The following FDFT1 variants were observed in gnomAD, a reference collection of about 807,000 sequenced individuals.
FDFT1 encodes farnesyl-diphosphate farnesyltransferase 1.
In FDFT1, 68 loss-of-function variants were observed where a neutral mutation model predicts 46.8. The ratio of observed to expected loss-of-function variants is 1.45; its 90% CI spans 1.19 to 1.78. FDFT1 has a LOEUF of 1.78. Ranked by LOEUF, FDFT1 falls within the 40% of genes most tolerant of loss-of-function variation. FDFT1 has a pLI of 0.00. For missense variants in FDFT1, 928 were observed against 524.4 expected, an observed-to-expected ratio of 1.77 and a Z score of -7.52; for synonymous variants, 351 against 185.1, an observed-to-expected ratio of 1.90 and a Z score of -7.28.
At chr8:11,803,000 G>T in intron 1 of FDFT1, 69 bp downstream of exon 1, 4 of 1,535,668 alleles carry the variant, frequency 2.6e-6, no homozygotes, top group Non-Finnish European at 3.5e-6. Context: ...GGGCCTGAGC[G>T]GCCGGGCCCG....
intron 1 of FDFT1, among the ~76,000 whole-genome samples, chr8:11,804,663 G>C (rs533218014): frequency 7.4e-6 from 1 of 135,580 alleles, no homozygotes. Flanking sequence ...GAGTGCAGTG[G>C]TGGCGGGACC....
intron 3 of FDFT1, among the ~76,000 whole-genome samples, chr8:11,818,210 A>T (rs989884698): frequency 3.9e-5 from 6 of 152,190 alleles, no homozygotes; most frequent in Admixed American, 1.3e-4. Context: ...ATTTGATTTC[A>T]CTGTGGTCTG....
At chr8:11,803,096 G>A (rs1049949575) in intron 1 of FDFT1, 165 bp downstream of exon 1, 31 of 1,436,550 alleles carry the variant, frequency 2.2e-5, no homozygotes, top group East Asian at 5.1e-5. Context: ...TGTAGGGCCC[G>A]GGTGGACGCG....
rs141809527 is a variant in FDFT1 at position 11,818,886 on chromosome 8, T to G, written c.382-2864T>G. 4.7e-4 allele frequency among the ~76,000 whole-genome samples: 71 copies of G among 152,334 alleles called. 1 individual carries two copies. The East Asian group carries it at 0.011, about 24-fold the overall frequency. On this transcript the variant is annotated intron_variant, in intron 3 of 7. Coordinates refer to ENST00000220584, the MANE Select transcript of FDFT1 (RefSeq NM_004462.5). ...TTAATATTGTTATGTTTGAATTTGATCTGTCATTATGATGTTTGCTGGTTA... is the reference window on the plus strand; with the variant it reads ...TTAATATTGTTATGTTTGAATTTGAGCTGTCATTATGATGTTTGCTGGTTA...
chr8:11,815,009 C>A (rs1405104921), intron 3 of FDFT1, among the ~76,000 whole-genome samples: 1 of 152,166 alleles, frequency 6.6e-6, no homozygotes, highest in African/African-American at 2.4e-5. Flanking sequence ...GTAATGCTAT[C>A]CCTCCCTTGG....
Position 11,809,784 on chromosome 8 carries a change from C to T in FDFT1, c.315C>T (p.Tyr105=), listed in dbSNP as rs1243895483. ...PLLHNFHSFL[Y]QPDWRFMESK... is the part of the protein sequence containing the mutation. The stretch of plus-strand genomic sequence containing the variant: ...TACACAACTTTCACTCTTTCCTTTA[C>T]CAACCAGACTGGCGGTTCATGGAGA... The change falls in exon 3 of 8, where the codon TAC becomes TAT. Residue 105 remains tyrosine, a synonymous_variant. Coordinates refer to ENST00000220584, the MANE Select transcript of FDFT1 (RefSeq NM_004462.5). The T allele has an allele frequency of 1.2e-6, 2 of 1,614,184 alleles. No homozygotes were observed. Among genetic ancestry groups the T allele is most frequent in the South Asian group, 1.1e-5 (1 of 91,082 alleles).
chr8:11,817,636 T>C (rs1484422504), intron 3 of FDFT1, among the ~76,000 whole-genome samples: 1 of 152,252 alleles, frequency 6.6e-6, no homozygotes, highest in Non-Finnish European at 1.5e-5. Context: ...CTTCTGGATT[T>C]TCTAGCTTAT....
At chr8:11,819,906 T>C (rs577774759) in intron 3 of FDFT1, among the ~76,000 whole-genome samples, 29 of 152,200 alleles carry the variant, frequency 1.9e-4, no homozygotes, top group Non-Finnish European at 4.1e-4. Context: ...GGAGTTACGT[T>C]CCTTTGGAGG....
chr8:11,821,930 G>C (rs1330098358), intron 4 of FDFT1, 52 bp downstream of exon 4: 2 of 1,589,132 alleles, frequency 1.3e-6, no homozygotes, highest in South Asian at 2.2e-5. Flanking sequence ...AGAGCTGGCA[G>C]TCCTCATAGT....
chr8:11,817,716 C>T (rs1808653869), intron 3 of FDFT1, among the ~76,000 whole-genome samples: 1 of 152,106 alleles, frequency 6.6e-6, no homozygotes, highest in Non-Finnish European at 1.5e-5. Context: ...GTGATATCCC[C>T]TTTATCATTT....
At chr8:11,834,009 G>C (rs1053186012) in intron 7 of FDFT1, among the ~76,000 whole-genome samples, 2 of 152,218 alleles carry the variant, frequency 1.3e-5, no homozygotes, top group Non-Finnish European at 2.9e-5. Flanking sequence ...AAAACATTTT[G>C]TATGAAGCCA....
At chr8:11,827,107 C>CTT in intron 5 of FDFT1, among the ~76,000 whole-genome samples, 1 of 152,076 alleles carries the variant, frequency 6.6e-6, no homozygotes, top group Non-Finnish European at 1.5e-5. Context: ...ATGACTGTTC[C>CTT]CTGAATTTAT....
In FDFT1 at chr8:11,809,883, G is replaced by T. The variant is rs376625138; in HGVS notation, c.381+33G>T. On this transcript the variant is annotated intron_variant, in intron 3 of 7. Coordinates refer to ENST00000220584, the MANE Select transcript of FDFT1 (RefSeq NM_004462.5). ...GGGTTACGCATCTTGTCTACGGACT[G>T]TTGTGTTCATAATTGCTAACGTGGT... 7.7e-6 allele frequency: 12 copies of T among 1,553,286 alleles called. No individual in the cohort carries two copies. The African/African-American group carries it at 1.2e-4, about 16-fold the overall frequency.
At chr8:11,836,893 C>G (rs983057138) in intron 7 of FDFT1, among the ~76,000 whole-genome samples, 3 of 152,202 alleles carry the variant, frequency 2.0e-5, no homozygotes, top group African/African-American at 4.8e-5. Flanking sequence ...AAAAATTAGC[C>G]AGGGATGCAC....
intron 5 of FDFT1, among the ~76,000 whole-genome samples, chr8:11,827,867 T>G (rs1294165627): frequency 1.1e-4 from 16 of 151,332 alleles, no homozygotes. Context: ...TAGTGAGACC[T>G]TATCTCTTAA....
upstream of FDFT1, chr8:11,802,373 TGCGGACCACC>T (rs959764391): frequency 4.4e-6 from 2 of 452,388 alleles, no homozygotes; most frequent in African/African-American, 4.0e-5. Flanking sequence ...CTCTCCCGAC[TGCGGACCACC>T]GTTGGGCTCC....
At chr8:11,809,092 A>G (rs1807338055) in intron 2 of FDFT1, 1 of 1,268,794 alleles carries the variant, frequency 7.9e-7, no homozygotes, top group Non-Finnish European at 1.0e-6. Flanking sequence ...CTGCGGGCCC[A>G]GCCTTTCAGA....
intron 3 of FDFT1, among the ~76,000 whole-genome samples, chr8:11,815,520 C>T (rs908823240): frequency 3.3e-5 from 5 of 152,234 alleles, no homozygotes; most frequent in African/African-American, 1.2e-4. Context: ...TCCACATCCT[C>T]TCCAGCATCT....
chr8:11,814,419 G>C (rs1156296557), intron 3 of FDFT1, among the ~76,000 whole-genome samples: 1 of 151,844 alleles, frequency 6.6e-6, no homozygotes, highest in Non-Finnish European at 1.5e-5. Context: ...TTTCCTCTGG[G>C]CTCTTAATTT....
Sources: gnomAD v4.1 joint callset for allele counts (sites outside exome capture counted in the v4.1 genomes callset) on GRCh38, gnomAD v4.1.1 for gene constraint, MANE v1.5 for transcripts, NCBI Gene and HGNC (gene_info 2026-07-23, HGNC 2026-07-21) for gene names.